Variants in PLXNA2 observed in about 807,000 individuals in gnomAD.
The protein encoded by PLXNA2 is plexin-A2.
A neutral mutation model predicts 193.5 loss-of-function variants in PLXNA2; 91 were observed. That is an observed-to-expected ratio of 0.47 (90% CI 0.40 to 0.56). The LOEUF (loss-of-function observed/expected upper bound fraction) is 0.56. Among genes scored for constraint, PLXNA2 ranks in the 20% least tolerant of loss-of-function variants. The pLI, the probability that PLXNA2 is intolerant of heterozygous loss-of-function variation, is 0.00. For synonymous variants in PLXNA2, 997 were observed against 1,027.3 expected (o/e 0.97, Z 0.56); for missense variants, 1,995 against 2,503.2 (o/e 0.80, Z 4.33).
In PLXNA2 at chr1:208,072,842, T is replaced by A. The variant is rs896733681; in HGVS notation, c.2586+6418A>T. ...AAGGCTCAGTACAAAGGGTAGCCAA[T>A]GTTCCCAATTTATCTGGCATCTCTT... On this transcript the variant is annotated intron_variant, in intron 12 of 31. Transcript: ENST00000367033. 3.3e-5 allele frequency among the ~76,000 whole-genome samples: 5 copies of A among 152,182 alleles called. No individual in the cohort carries two copies. In the South Asian group the frequency reaches 8.3e-4, roughly 25 times the overall value.
chr1:208,145,184 T>C (rs182802041), intron 3 of PLXNA2, among the ~76,000 whole-genome samples: 3 of 152,346 alleles, frequency 2.0e-5, no homozygotes, highest in East Asian at 3.9e-4. Flanking sequence ...TCTGTCTCCA[T>C]AAAATGGGGA....
At chr1:208,208,470 T>G (rs1365077609) in intron 3 of PLXNA2, among the ~76,000 whole-genome samples, 2 of 152,246 alleles carry the variant, frequency 1.3e-5, no homozygotes, top group Non-Finnish European at 2.9e-5. Flanking sequence ...CTAAGGTTCC[T>G]TAAAGAATGG....
intron 9 of PLXNA2, among the ~76,000 whole-genome samples, chr1:208,090,064 G>T (rs1441822543): frequency 1.8e-4 from 27 of 152,200 alleles, no homozygotes; most frequent in Admixed American, 1.8e-3. Flanking sequence ...AGCCAAAGCA[G>T]TATTTTAGGA....
At chr1:208,229,901 A>G (rs1427038506) in intron 1 of PLXNA2, among the ~76,000 whole-genome samples, 1 of 152,242 alleles carries the variant, frequency 6.6e-6, no homozygotes, top group Non-Finnish European at 1.5e-5. Context: ...TCAAACTCGC[A>G]GCGCTGGATG....
intron 3 of PLXNA2, among the ~76,000 whole-genome samples, chr1:208,186,543 G>A (rs1454386007): frequency 1.3e-5 from 2 of 152,270 alleles, no homozygotes; most frequent in East Asian, 3.9e-4. Flanking sequence ...GCCAGCAGGT[G>A]TTGCTGGCAG....
Position 208,096,093 on chromosome 1 carries a change from T to C in PLXNA2, c.1918A>G (p.Lys640Glu), listed in dbSNP as rs1448383564. 1.2e-6 allele frequency: 2 copies of C among 1,614,012 alleles called. No individual in the cohort carries two copies. The highest frequency in any genetic ancestry group is 1.7e-6 in the Non-Finnish European group (2 of 1,180,002). Reference protein sequence around the residue: ...WFGLELQLRSKETGKIFVSTE... With the variant: ...WFGLELQLRSEETGKIFVSTE... Reference sequence around the variant, plus strand: ...CTGACAAATATCTTCCCTGTCTCCTTGGACCTCAGCTGTAGCTCCAGCCCA... The same window carrying C: ...CTGACAAATATCTTCCCTGTCTCCTCGGACCTCAGCTGTAGCTCCAGCCCA... The change falls in exon 8 of 32, where the codon AAG (lysine) becomes GAG (glutamate). Residue 640 changes from lysine to glutamate, a missense_variant. Lys to Glu is a moderately conservative substitution (Grantham distance 56). Transcript: ENST00000367033.
At chr1:208,101,251 C>A (rs1197208388) in intron 5 of PLXNA2, among the ~76,000 whole-genome samples, 1 of 152,174 alleles carries the variant, frequency 6.6e-6, no homozygotes, top group Admixed American at 6.5e-5. Flanking sequence ...TTCAATTCCC[C>A]CCAACCCCTC....
chr1:208,042,527 T>C (rs370535462), intron 21 of PLXNA2, among the ~76,000 whole-genome samples, 161 bp from the exon 22 acceptor site: 53 of 152,276 alleles, frequency 3.5e-4, no homozygotes, highest in African/African-American at 1.3e-3. Context: ...CGTGATGATG[T>C]AGGAACAGCT....
chr1:208,045,945 G>A lies in PLXNA2; in HGVS notation c.3428C>T (p.Pro1143Leu). ...AGTAGGGCTAAGCAGTTCAAAGGTC[G>A]GGTTGGGGTAGTAGATAAACTTGGT... Reference protein sequence around the residue: ...NDTKFIYYPNPTFELLSPTGV... With the variant: ...NDTKFIYYPNLTFELLSPTGV... Residue 1143 changes from proline (P) to leucine (L), a missense_variant, in exon 18 of 32, where the codon CCG becomes CTG. Pro to Leu is a moderately conservative substitution (Grantham distance 98). This residue lies in a region of PLXNA2 where 1,291 missense variants were observed against 1,673.6 expected (regional missense o/e 0.77). Transcript: ENST00000367033. The A allele has an allele frequency of 1.9e-6, 3 of 1,614,226 alleles. No individual in the cohort carries two copies. Among genetic ancestry groups the A allele is most frequent in the Non-Finnish European group, 2.5e-6 (3 of 1,180,026 alleles).
At chr1:208,120,331 G>T (rs1186427419) in intron 4 of PLXNA2, among the ~76,000 whole-genome samples, 2 of 152,228 alleles carry the variant, frequency 1.3e-5, no homozygotes, top group African/African-American at 4.8e-5. Context: ...GGCATGTGGA[G>T]TTAAGTGGTG....
chr1:208,103,997 C>G (rs1385399218), intron 4 of PLXNA2, among the ~76,000 whole-genome samples: 1 of 152,204 alleles, frequency 6.6e-6, no homozygotes, highest in African/African-American at 2.4e-5. Context: ...CTCACCCCTA[C>G]TTGCACAGCA....
chr1:208,157,429 T>G lies in PLXNA2; in HGVS notation c.1372-14966A>C, dbSNP rs530152762. ...GCTCAGGTCTTTTCTTTGTACCCTA[T>G]GAATCTGTACCTGTTGTACATTGCC... is the stretch of plus-strand genomic sequence containing the variant. On this transcript the variant is annotated intron_variant, in intron 3 of 31. Transcript: ENST00000367033. Among the ~76,000 whole-genome samples the G allele has an allele frequency of 5.3e-5, 8 of 152,376 alleles. No homozygotes were observed. The South Asian group carries it at 1.7e-3, about 32-fold the overall frequency.
chr1:208,205,328 G>A (rs1670682954), intron 3 of PLXNA2, among the ~76,000 whole-genome samples: 1 of 152,202 alleles, frequency 6.6e-6, no homozygotes, highest in South Asian at 2.1e-4. Flanking sequence ...TTAACCAGGA[G>A]GGATGCTGTC....
At chr1:208,094,834 T>C (rs1265803622) in intron 8 of PLXNA2, among the ~76,000 whole-genome samples, 1 of 152,232 alleles carries the variant, frequency 6.6e-6, no homozygotes, top group Non-Finnish European at 1.5e-5. Flanking sequence ...AAGATTATTC[T>C]AATTATGAAA....
rs116300203 is a variant in PLXNA2, at chr1:208,072,725, C to T, written c.2586+6535G>A. Among the ~76,000 whole-genome samples the T allele has an allele frequency of 2.9e-3, 440 of 152,294 alleles. 4 individuals are homozygous for T. The highest frequency in any genetic ancestry group is 0.01 in the African/African-American group (422 of 41,556). On this transcript the variant is annotated intron_variant, in intron 12 of 31. Coordinates refer to ENST00000367033, the MANE Select transcript of PLXNA2 (RefSeq NM_025179.4). ...GAAATGACTGCCCCAAGCTCACATG[C>T]CCCAATATCCCCTTCTTGTTTTTCC...
At chr1:208,203,210 C>T (rs927907363) in intron 3 of PLXNA2, among the ~76,000 whole-genome samples, 8 of 152,180 alleles carry the variant, frequency 5.3e-5, no homozygotes, top group African/African-American at 1.9e-4. Flanking sequence ...TATAGAACAA[C>T]AAAACAAACA....
chr1:208,046,785 A>C (rs1665081618), intron 17 of PLXNA2, among the ~76,000 whole-genome samples: 1 of 134,654 alleles, frequency 7.4e-6, no homozygotes, highest in African/African-American at 2.9e-5. Flanking sequence ...AAAAAGTAGG[A>C]CAGAACAGCA....
intron 1 of PLXNA2, among the ~76,000 whole-genome samples, chr1:208,228,594 A>G (rs931885632): frequency 6.6e-6 from 1 of 152,174 alleles, no homozygotes; most frequent in African/African-American, 2.4e-5. Context: ...AAATTCACCT[A>G]TGGAAACACC....
At chr1:208,076,184 C>T (rs1666143677) in intron 12 of PLXNA2, among the ~76,000 whole-genome samples, 1 of 152,024 alleles carries the variant, frequency 6.6e-6, no homozygotes, top group African/African-American at 2.4e-5. Flanking sequence ...CCTCCCACCC[C>T]AGTCTCCCGA....
Sources: allele counts gnomAD v4.1 joint callset (sites outside exome capture counted in the v4.1 genomes callset), GRCh38; gene constraint gnomAD v4.1.1; regional missense constraint gnomAD v4.1.1; transcripts MANE v1.5; gene names NCBI Gene and HGNC (gene_info 2026-07-23, HGNC 2026-07-21).